The following CPEB1 variants were observed in gnomAD, a reference collection of about 807,000 sequenced individuals.
CPEB1 encodes cytoplasmic polyadenylation element binding protein 1.
Under a neutral mutation model 65.8 loss-of-function variants are expected in CPEB1, and 7 were observed. The ratio of observed to expected loss-of-function variants is 0.11; its 90% CI spans 0.06 to 0.20. CPEB1 has a LOEUF of 0.20. CPEB1 is among the 10% of genes least tolerant of loss of function. CPEB1 has a pLI of 1.00. For synonymous variants in CPEB1, 262 were observed against 260.0 expected (o/e 1.01, Z -0.08); for missense variants, 551 against 712.2 (o/e 0.77, Z 2.58).
intron 3 of CPEB1, among the ~76,000 whole-genome samples, chr15:82,603,283 C>A (rs1312865709): frequency 6.6e-6 from 1 of 151,892 alleles, no homozygotes; most frequent in Non-Finnish European, 1.5e-5. Context: ...CAAGGTCCCA[C>A]TTATGTGGTT....
intron 3 of CPEB1, among the ~76,000 whole-genome samples, chr15:82,579,549 G>A (rs1174353188): frequency 6.6e-6 from 1 of 152,260 alleles, no homozygotes. Flanking sequence ...TGAGACACAG[G>A]AAATAATTTA....
intron 3 of CPEB1, among the ~76,000 whole-genome samples, chr15:82,603,666 G>T (rs1277711661): frequency 4.6e-5 from 7 of 152,130 alleles, no homozygotes; most frequent in Non-Finnish European, 7.3e-5. Context: ...GGCATACTGG[G>T]CCCCTTGTCA....
At chr15:82,569,795 G>A (rs909197801) in intron 4 of CPEB1, among the ~76,000 whole-genome samples, 7 of 152,170 alleles carry the variant, frequency 4.6e-5, no homozygotes, top group African/African-American at 1.7e-4. Context: ...ACAGTGCCTT[G>A]GTCAAACACT....
At chr15:82,607,507 G>T (rs73439154) in intron 3 of CPEB1, among the ~76,000 whole-genome samples, 1,931 of 152,186 alleles carry the variant, frequency 0.013, 41 homozygotes, top group African/African-American at 0.045. Context: ...AGAATTGCTT[G>T]AACTGGGAAG....
At chr15:82,576,939 C>T (rs2040711428) in intron 3 of CPEB1, among the ~76,000 whole-genome samples, 1 of 152,080 alleles carries the variant, frequency 6.6e-6, no homozygotes, top group African/African-American at 2.4e-5. Context: ...GTGGAAGGAT[C>T]GCTTGAGCCT....
Position 82,647,302 on chromosome 15 carries a change from C to A in CPEB1, c.-263G>T, listed in dbSNP as rs1198918108. ...CAGGATTGGGAAGCCGCACGAGGGG[C>A]TTGAGCCCTCCACCTTAAAGGTGCC... On this transcript the variant is annotated 5_prime_UTR_variant, in exon 1 of 13. Coordinates refer to ENST00000684509, the MANE Select transcript of CPEB1 (RefSeq NM_001365242.1). The A allele has an allele frequency of 6.6e-6, 1 of 152,376 alleles. No individual in the cohort carries two copies. Among genetic ancestry groups the A allele is most frequent in the African/African-American group, 2.4e-5 (1 of 41,470 alleles). 9.4% of individuals were successfully genotyped at this position (152,376 alleles called of 1,614,324 possible). A position where few individuals can be genotyped will look rare whatever the true frequency, so the allele number is the denominator to read the frequency against.
intron 3 of CPEB1, among the ~76,000 whole-genome samples, chr15:82,617,715 T>C (rs1334051627): frequency 1.3e-5 from 2 of 150,462 alleles, no homozygotes; most frequent in African/African-American, 4.9e-5. Flanking sequence ...TGTTATTAAT[T>C]CTATTAAAGT....
intron 4 of CPEB1, among the ~76,000 whole-genome samples, chr15:82,564,139 C>A (rs1215232585): frequency 6.6e-6 from 1 of 152,174 alleles, no homozygotes; most frequent in African/African-American, 2.4e-5. Flanking sequence ...GCAATTAGCT[C>A]AACATCTGGC....
chr15:82,625,118 G>A (rs1367953858), intron 3 of CPEB1, among the ~76,000 whole-genome samples: 2 of 152,108 alleles, frequency 1.3e-5, no homozygotes, highest in African/African-American at 4.8e-5. Flanking sequence ...ACCATGCCTG[G>A]CCTGTCATTC....
At chr15:82,553,359 T>A (rs1045201811) in intron 8 of CPEB1, 108 bp downstream of exon 8, 6 of 790,414 alleles carry the variant, frequency 7.6e-6, no homozygotes, top group African/African-American at 3.4e-5. Context: ...GTGCCCACCA[T>A]GTTACCAACA....
intron 6 of CPEB1, 112 bp from the exon 7 acceptor site, chr15:82,554,103 C>T (rs982712106): frequency 2.0e-5 from 12 of 606,722 alleles, no homozygotes; most frequent in Admixed American, 1.4e-4. Flanking sequence ...AATCCTTGCC[C>T]AGATGCCTGA....
intron 3 of CPEB1, among the ~76,000 whole-genome samples, chr15:82,580,616 C>T (rs2041184689): frequency 6.6e-6 from 1 of 152,144 alleles, no homozygotes. Flanking sequence ...CACTACTCTT[C>T]ACCTCTAGAG....
At chr15:82,625,616 C>A (rs745355030) in intron 3 of CPEB1, among the ~76,000 whole-genome samples, 35 of 152,150 alleles carry the variant, frequency 2.3e-4, no homozygotes, top group Admixed American at 5.9e-4. Context: ...AAAGTCAGCC[C>A]TCCATACGTG....
intron 1 of CPEB1, among the ~76,000 whole-genome samples, chr15:82,646,061 A>C (rs1040288864): frequency 6.6e-6 from 1 of 152,098 alleles, no homozygotes; most frequent in African/African-American, 2.4e-5. Context: ...AGCTTTTCTA[A>C]CTATGCAAAA....
At chr15:82,556,988 A>C in intron 5 of CPEB1, among the ~76,000 whole-genome samples, 1 of 152,208 alleles carries the variant, frequency 6.6e-6, no homozygotes, top group Admixed American at 6.5e-5. Flanking sequence ...TCAGCTCGGG[A>C]GATTTGGCAA....
chr15:82,601,128 A>G (rs2043081178), intron 3 of CPEB1, among the ~76,000 whole-genome samples: 2 of 149,076 alleles, frequency 1.3e-5, no homozygotes, highest in African/African-American at 2.5e-5. Flanking sequence ...CTGGTCTCGA[A>G]CTCCTGGCCT....
chr15:82,608,792 A>G (rs1216503180), intron 3 of CPEB1, among the ~76,000 whole-genome samples: 1 of 152,148 alleles, frequency 6.6e-6, no homozygotes, highest in East Asian at 1.9e-4. Flanking sequence ...TATTTAATGT[A>G]TAGAACAAGA....
intron 3 of CPEB1, among the ~76,000 whole-genome samples, chr15:82,610,383 CA>C (rs2044017621): frequency 6.6e-6 from 1 of 152,022 alleles, no homozygotes; most frequent in Admixed American, 6.5e-5. Context: ...TCCCTGATAC[CA>C]AAATCAGGCA....
chr15:82,568,590 C>T (rs1201401915), intron 4 of CPEB1, among the ~76,000 whole-genome samples: 1 of 152,066 alleles, frequency 6.6e-6, no homozygotes, highest in Non-Finnish European at 1.5e-5. Context: ...GACTCTGAGG[C>T]CAAGGAAATC....
Sources: allele counts gnomAD v4.1 joint callset (sites outside exome capture counted in the v4.1 genomes callset), GRCh38; gene constraint gnomAD v4.1.1; transcripts MANE v1.5; gene names NCBI Gene and HGNC (gene_info 2026-07-23, HGNC 2026-07-21).